The following SYNE2 variants were observed in gnomAD, a reference collection of about 807,000 sequenced individuals.
The protein encoded by SYNE2 is spectrin repeat containing nuclear envelope protein 2.
SYNE2 carries 431 observed loss-of-function variants against 856.3 expected under a neutral mutation model. That is an observed-to-expected ratio of 0.50 (90% CI 0.47 to 0.55). SYNE2 has a LOEUF of 0.55. Among genes scored for constraint, SYNE2 ranks in the 20% least tolerant of loss-of-function variants. SYNE2 has a pLI of 0.00. For synonymous variants in SYNE2, 2,923 were observed against 2,872.3 expected (o/e 1.02, Z -0.56); for missense variants, 8,129 against 8,023.2 (o/e 1.01, Z -0.50).
At position 63,998,930 on chromosome 14, in the gene SYNE2, G is replaced by A; in HGVS notation, c.3370G>A (p.Asp1124Asn). 6.2e-7 allele frequency: 1 copy of A among 1,614,070 alleles called. No homozygotes were observed. ...TTTGCCCAGGTATGATACATACAGA[G>A]ATATTCTTGAACACCACCTGCAAAA... ...SLLERYDTYR[D>N]ILEHHLQNNK... Residue 1124 changes from aspartate (D) to asparagine (N), a missense_variant, in exon 27 of 116, where the codon GAT becomes AAT. This residue lies in a region of SYNE2 where 2,422 missense variants were observed against 2,357.4 expected (regional missense o/e 1.03). Coordinates refer to ENST00000555002, the MANE Select transcript of SYNE2 (RefSeq NM_182914.3).
chr14:63,923,609 G>C (rs1014103376), intron 2 of SYNE2, among the ~76,000 whole-genome samples: 1 of 152,196 alleles, frequency 6.6e-6, no homozygotes, highest in Admixed American at 6.5e-5. Context: ...TGTACTGTTG[G>C]AGCCCATAAG....
chr14:64,048,151 T>C lies in SYNE2; in HGVS notation c.7373T>C (p.Ile2458Thr), dbSNP rs758357061. ...TTAAGAAATGAACAATTAGAAGAGA[T>C]AGAGGTATGGAAACATAAAAACACT... ...TMLRNEQLEE[I>T]EKLYTQLEAK... is the part of the protein sequence containing the mutation. Residue 2458 changes from isoleucine (I) to threonine (T), a missense_variant, in exon 46 of 116, where the codon ATA (isoleucine) becomes ACA (threonine). Ile to Thr is a moderately conservative substitution (Grantham distance 89). Around this residue, in one of 3 missense-constraint regions of SYNE2, gnomAD observed 5,410 missense variants for 5,284.8 expected, o/e 1.02. Coordinates refer to ENST00000555002, the MANE Select transcript of SYNE2 (RefSeq NM_182914.3). 1.9e-6 allele frequency: 3 copies of C among 1,612,588 alleles called. No individual in the cohort carries two copies. Among genetic ancestry groups the C allele is most frequent in the African/African-American group, 2.7e-5 (2 of 74,868 alleles).
intron 45 of SYNE2, among the ~76,000 whole-genome samples, chr14:64,043,130 CT>C (rs1277284277): frequency 6.6e-6 from 1 of 152,286 alleles, no homozygotes; most frequent in African/African-American, 2.4e-5. Context: ...CATTTTGCCC[CT>C]GCCCTAGAGA....
chr14:63,967,996 C>T (rs535779186), intron 11 of SYNE2, 150 bp downstream of exon 11: 2 of 723,298 alleles, frequency 2.8e-6, no homozygotes, highest in Non-Finnish European at 4.8e-6. Flanking sequence ...AACCCTGTCT[C>T]TACTAAAAAT....
At chr14:63,942,009 T>G (rs780439664) in intron 5 of SYNE2, 42 bp from the exon 6 acceptor site, 285 of 1,598,288 alleles carry the variant, frequency 1.8e-4, no homozygotes, top group Non-Finnish European at 2.3e-4. Flanking sequence ...ATTAATGCTC[T>G]GGGATATTTC....
chr14:63,922,683 T>C lies in SYNE2; in HGVS notation c.79+13456T>C, dbSNP rs115352871. On this transcript the variant is annotated intron_variant, in intron 2 of 115. Transcript: ENST00000555002. ...TGAGATATATTAATATCTCAGAGTT[T>C]ATCATTTCATCGCTATTTTTTGCCA... is the stretch of plus-strand genomic sequence containing the variant. Among the ~76,000 whole-genome samples, 668 of 152,370 alleles carry C rather than the reference T, an allele frequency of 4.4e-3. 1 individual carries two copies. Among genetic ancestry groups the C allele is most frequent in the African/African-American group, 0.016 (645 of 41,588 alleles).
At chr14:64,113,693 T>C (rs1240503659) in intron 66 of SYNE2, 122 bp downstream of exon 66, 2 of 1,092,262 alleles carry the variant, frequency 1.8e-6, no homozygotes, top group African/African-American at 1.6e-5. Flanking sequence ...ACATTTATCT[T>C]GGCCTCAGCT....
intron 1 of SYNE2, among the ~76,000 whole-genome samples, chr14:63,899,751 C>T (rs2095310438): frequency 1.3e-5 from 2 of 152,154 alleles, no homozygotes; most frequent in African/African-American, 2.4e-5. Context: ...ATCCTCTTGC[C>T]TTGGCTTCCC....
At chr14:64,107,363 G>GTATCTGACTTCTCCA in intron 64 of SYNE2, 128 bp from the exon 65 acceptor site, 1 of 818,542 alleles carries the variant, frequency 1.2e-6, no homozygotes, top group Non-Finnish European at 2.1e-6. Context: ...TTTTCTAATC[G>GTATCTGACTTCTCCA]TATCTGACTT....
At chr14:63,836,411 G>C (rs185903005) in intron 1 of SYNE2, among the ~76,000 whole-genome samples, 9 of 152,160 alleles carry the variant, frequency 5.9e-5, no homozygotes, top group Non-Finnish European at 1.2e-4. Context: ...ATATAAGACT[G>C]TTTCTTCATT....
chr14:64,121,627 G>A (rs1316548540), intron 68 of SYNE2, among the ~76,000 whole-genome samples: 2 of 152,212 alleles, frequency 1.3e-5, no homozygotes, highest in Non-Finnish European at 1.5e-5. Flanking sequence ...AGAGTTTTCA[G>A]CATTTACCAT....
At position 64,168,962 on chromosome 14, in the gene SYNE2, T is replaced by TAG; in HGVS notation, c.16995_16996dup (p.Asn5666ArgfsTer13). On this transcript the variant is annotated frameshift_variant, in exon 93 of 116. Coordinates refer to ENST00000555002, the MANE Select transcript of SYNE2 (RefSeq NM_182914.3). LOFTEE classifies it high-confidence loss of function. ...TTACAACTCCTGGACACAACAGAAATAGAGAACAGGTGAGCTGTCTGGGCC... is the reference window on the plus strand; with the variant it reads ...TTACAACTCCTGGACACAACAGAAATAGAGAGAACAGGTGAGCTGTCTGGGCC... 6.2e-7 allele frequency: 1 copy of TAG among 1,613,500 alleles called. No homozygotes were observed. The highest frequency in any genetic ancestry group is 8.5e-7 in the Non-Finnish European group (1 of 1,179,474).
In SYNE2 at chr14:64,021,847, A is replaced by G. The variant is rs1176855616; in HGVS notation, c.5353-10A>G. On this transcript the variant is annotated splice_polypyrimidine_tract_variant and intron_variant, in intron 36 of 115. Transcript: ENST00000555002. ...AAGATTTAATGGTTGTTGTTTGTTT[A>G]TGCATTTAGGAGATACAACAGCAGA... is the stretch of plus-strand genomic sequence containing the variant. The G allele has an allele frequency of 6.2e-7, 1 of 1,613,548 alleles. No individual in the cohort carries two copies. Among genetic ancestry groups the G allele is most frequent in the Non-Finnish European group, 8.5e-7 (1 of 1,179,628 alleles).
At chr14:63,794,279 T>C (rs1887840300) in intron 1 of SYNE2, among the ~76,000 whole-genome samples, 1 of 152,178 alleles carries the variant, frequency 6.6e-6, no homozygotes, top group South Asian at 2.1e-4. Context: ...TGGAGTGCAA[T>C]GGTGCGATCT....
chr14:64,017,917 C>T (rs1350822571), intron 34 of SYNE2, among the ~76,000 whole-genome samples, 161 bp downstream of exon 34: 2 of 152,176 alleles, frequency 1.3e-5, no homozygotes, highest in South Asian at 4.2e-4. Flanking sequence ...AATCTATTAC[C>T]CTTACCAATA....
chr14:64,020,233 A>G, intron 35 of SYNE2, 140 bp downstream of exon 35: 1 of 659,938 alleles, frequency 1.5e-6, no homozygotes, highest in African/African-American at 1.8e-5. Context: ...ATTCTCTATA[A>G]CAGGGGTGTC....
At chr14:64,033,130 T>C (rs913197735) in intron 45 of SYNE2, among the ~76,000 whole-genome samples, 1 of 152,214 alleles carries the variant, frequency 6.6e-6, no homozygotes, top group Non-Finnish European at 1.5e-5. Flanking sequence ...ATTGTGTCAC[T>C]GTGCTTCAGC....
In SYNE2 at chr14:64,184,329, G is replaced by GGTGTGTGTGTGTGT. The variant is rs767980383; in HGVS notation, c.17557-2074_17557-2061dup. Among the ~76,000 whole-genome samples the GGTGTGTGTGTGTGT allele has an allele frequency of 6.4e-3, 917 of 144,238 alleles. 5 individuals carry two copies. Among genetic ancestry groups the GGTGTGTGTGTGTGT allele is most frequent in the East Asian group, 0.02 (98 of 4,826 alleles). 94.6% of individuals were successfully genotyped at this position (144,238 alleles called of 152,430 possible). A position where few individuals can be genotyped will look rare whatever the true frequency, so the allele number is the denominator to read the frequency against. ...CAGAGAGCCACACTGTATGCATAGG[G>GGTGTGTGTGTGTGT]GTGTGTGTGTGTGTGTGTGTGTGTG... On this transcript the variant is annotated intron_variant, in intron 96 of 115. Coordinates refer to ENST00000555002, the MANE Select transcript of SYNE2 (RefSeq NM_182914.3).
At chr14:64,093,553 T>C in intron 61 of SYNE2, 73 bp downstream of exon 61, 1 of 1,579,620 alleles carries the variant, frequency 6.3e-7, no homozygotes, top group Non-Finnish European at 8.7e-7. Flanking sequence ...TACTAAGCCT[T>C]TGGTGTCTAG....
Sources: allele counts gnomAD v4.1 joint callset (sites outside exome capture counted in the v4.1 genomes callset), GRCh38; gene constraint gnomAD v4.1.1; regional missense constraint gnomAD v4.1.1; transcripts MANE v1.5; gene names NCBI Gene and HGNC (gene_info 2026-07-23, HGNC 2026-07-21).